The following CCDC154 variants were observed in gnomAD, a reference collection of about 807,000 sequenced individuals.
CCDC154 encodes the protein coiled-coil domain containing 154, also known as coiled-coil domain-containing protein 154.
Under a neutral mutation model 87.5 loss-of-function variants are expected in CCDC154, and 91 were observed. That is an observed-to-expected ratio of 1.04 (90% CI 0.88 to 1.24). The LOEUF is 1.24. Ranked by LOEUF, CCDC154 falls within the 50% of genes most tolerant of loss-of-function variation. The pLI, the probability that CCDC154 is intolerant of heterozygous loss-of-function variation, is 0.00. For missense variants in CCDC154, 903 were observed against 879.2 expected (o/e 1.03, Z -0.34); for synonymous variants, 418 against 400.4 (o/e 1.04, Z -0.52).
In CCDC154 at chr16:1,438,895, G is replaced by C; in HGVS notation, c.826C>G (p.Arg276Gly). The C allele has an allele frequency of 6.5e-7, 1 of 1,549,398 alleles. No homozygotes were observed. The highest frequency in any genetic ancestry group is 8.7e-7 in the Non-Finnish European group (1 of 1,146,604). Residue 276 changes from arginine to glycine, a missense_variant, in exon 8 of 17, where the codon CGG becomes GGG. Arg to Gly is a moderately radical substitution (Grantham distance 125, BLOSUM62 -2). Transcript: ENST00000389176. ...TCCCACCGGCTCTCCAGCTCGCCCC[G>C]CAGGCTGCCCTCCAGCTTCAGCCGT... ...SSRLKLEGSL[R>G]GELESRWEKL...
At chr16:1,439,684 G>A (rs1447206327) in intron 6 of CCDC154, among the ~76,000 whole-genome samples, 2 of 152,158 alleles carry the variant, frequency 1.3e-5, no homozygotes, top group Admixed American at 6.5e-5. Flanking sequence ...AGCCCCTGCT[G>A]GCCTCCTGCC....
Position 1,443,824 on chromosome 16 carries a change from C to A in CCDC154, c.196G>T (p.Ala66Ser). The change falls in exon 2 of 17, where the codon GCC (alanine) becomes TCC (serine). Residue 66 changes from alanine to serine, a missense_variant. Physicochemically the swap from Ala to Ser is moderately conservative, Grantham distance 99. Coordinates refer to ENST00000389176, the MANE Select transcript of CCDC154 (RefSeq NM_001143980.3). The part of the protein sequence containing the change: ...STASVPEQDT[A>S]KHWNQLEQWV... ...TGCTCCAGCTGGTTCCAGTGCTTGG[C>A]GGTGTCCTGCTCGGGGACAGAGGCC... 7.7e-7 allele frequency: 1 copy of A among 1,304,578 alleles called. No individual in the cohort carries two copies. The allele number at this position is 1,304,578 out of a possible 1,614,324, so 80.8% of individuals were successfully genotyped here.
In CCDC154 at chr16:1,434,736, G is replaced by C; in HGVS notation, c.1809C>G (p.Val603=). Residue 603 remains valine, a synonymous_variant, in exon 16 of 17, where the codon GTC becomes GTG. Coordinates refer to ENST00000389176, the MANE Select transcript of CCDC154 (RefSeq NM_001143980.3). ...KALPSLVRPR[V]FIKDMAPGKV... ...TGCCAGGCGCCATGTCCTTGATGAA[G>C]ACCCGCGGCCTCACCAGGGATGGGA... 6.5e-7 allele frequency: 1 copy of C among 1,546,288 alleles called. No homozygotes were observed. Among genetic ancestry groups the C allele is most frequent in the Non-Finnish European group, 8.7e-7 (1 of 1,146,814 alleles).
At chr16:1,437,146 G>A (rs1184193563) in intron 11 of CCDC154, 1 of 359,186 alleles carries the variant, frequency 2.8e-6, no homozygotes, top group Non-Finnish European at 5.2e-6. Context: ...CGGTGGATGA[G>A]CGGGAACCGG....
Position 1,438,748 on chromosome 16 carries a change from G to A in CCDC154, c.907-11C>T, listed in dbSNP as rs776593368. The A allele has an allele frequency of 9.7e-6, 15 of 1,548,726 alleles. No individual in the cohort carries two copies. Among genetic ancestry groups the A allele is most frequent in the East Asian group, 2.4e-5 (1 of 40,900 alleles). Reference sequence around the variant, plus strand: ...CAGGAGGTGGCTCTCCTGCCAGGGGGTGGAGGCCGCCCTGAGACCTGCACC... The same window carrying A: ...CAGGAGGTGGCTCTCCTGCCAGGGGATGGAGGCCGCCCTGAGACCTGCACC... On this transcript the variant is annotated splice_polypyrimidine_tract_variant and intron_variant, in intron 8 of 16. Transcript: ENST00000389176.
intron 4 of CCDC154, 113 bp from the exon 5 acceptor site, chr16:1,443,088 C>T: frequency 1.4e-6 from 2 of 1,409,862 alleles, no homozygotes; most frequent in South Asian, 2.5e-5. Context: ...TCCTGGGCCT[C>T]TGAAGGCCGC....
chr16:1,442,819 C>T lies in CCDC154; in HGVS notation c.551+61G>A. ...AGGGGGACCCGTGTCTTGGCTCAGCCAGGGACTCTCAAATGACCCCACGCA... is the reference window on the plus strand; with the variant it reads ...AGGGGGACCCGTGTCTTGGCTCAGCTAGGGACTCTCAAATGACCCCACGCA... On this transcript the variant is annotated intron_variant, in intron 5 of 16. Coordinates refer to ENST00000389176, the MANE Select transcript of CCDC154 (RefSeq NM_001143980.3). 7 of 1,473,398 alleles carry T rather than the reference C, an allele frequency of 4.8e-6. 1 individual carries two copies. The highest frequency in any genetic ancestry group is 3.7e-5 in the South Asian group (3 of 81,036). The allele number at this position is 1,473,398 out of a possible 1,614,324, so 91.3% of individuals were successfully genotyped here.
rs1399864549 is a variant in CCDC154, at chr16:1,434,577, C to A, written c.1878-43G>T. On this transcript the variant is annotated intron_variant, in intron 16 of 16. Transcript: ENST00000389176. ...ACATGGCCCCTGCACCCCCGCCCCA[C>A]CCCCCATGGCCCACCTGCTGCCTGT... is the stretch of plus-strand genomic sequence containing the variant. The A allele has an allele frequency of 5.3e-6, 8 of 1,514,506 alleles. No individual in the cohort carries two copies. The Admixed American group carries it at 8.1e-5, about 15-fold the overall frequency. The allele number at this position is 1,514,506 out of a possible 1,614,324, so 93.8% of individuals were successfully genotyped here.
rs1206502365 is a variant in CCDC154, at chr16:1,438,058, G to A, written c.1144C>T (p.Leu382=). 1.3e-6 allele frequency: 2 copies of A among 1,547,836 alleles called. No individual in the cohort carries two copies. Among genetic ancestry groups the A allele is most frequent in the African/African-American group, 1.4e-5 (1 of 73,012 alleles). ...TTGCGCTACCCCCTCACCAGCACCAGCTCTCCATGCATCTCCTGCCGGGCC... is the reference window on the plus strand; with the variant it reads ...TTGCGCTACCCCCTCACCAGCACCAACTCTCCATGCATCTCCTGCCGGGCC... The part of the protein sequence containing the change: ...ELARQEMHGE[L]VLLREKSRAL... Residue 382 remains leucine, a synonymous_variant, in exon 10 of 17, where the codon CTG becomes TTG. Transcript: ENST00000389176.
In CCDC154 at chr16:1,443,649, G is replaced by C. The variant is rs1346568962; in HGVS notation, c.271C>G (p.Gln91Glu). 2 of 1,339,080 alleles carry C rather than the reference G, an allele frequency of 1.5e-6. No homozygotes were observed. The highest frequency in any genetic ancestry group is 2.9e-5 in the African/African-American group (2 of 67,848). The allele number at this position is 1,339,080 out of a possible 1,614,324, so 82.9% of individuals were successfully genotyped here. The change falls in exon 3 of 17, where the codon CAG becomes GAG. Residue 91 changes from glutamine (Q) to glutamate (E), a missense_variant. Transcript: ENST00000389176. ...CTCCGCGTGGCGCGCTCACAGCGCT[G>C]CTTGTGCTCCCGCAGGCAGGCCACC... ...AEVACLREHK[Q>E]RCERATRSLL... is the part of the protein sequence containing the mutation.
chr16:1,443,181 AC>A (rs983943173), intron 4 of CCDC154, 79 bp downstream of exon 4: 4 of 1,481,614 alleles, frequency 2.7e-6, no homozygotes, highest in South Asian at 1.2e-5. Context: ...GGAGATGTGG[AC>A]CCCCCACCAC....
intron 7 of CCDC154, 37 bp downstream of exon 7, chr16:1,438,988 G>C (rs1474478002): frequency 7.1e-6 from 11 of 1,549,546 alleles, no homozygotes; most frequent in Non-Finnish European, 9.6e-6. Context: ...CGTCTGGGAA[G>C]GGGGGCAGGG....
chr16:1,434,914 G>C, intron 15 of CCDC154, 62 bp from the exon 16 acceptor site: 1 of 1,453,748 alleles, frequency 6.9e-7, no homozygotes, highest in Non-Finnish European at 9.1e-7. Context: ...GATGGCAAAC[G>C]GGGGCTTATC....
intron 11 of CCDC154, 29 bp downstream of exon 11, chr16:1,437,788 C>G: frequency 6.6e-7 from 1 of 1,512,372 alleles, no homozygotes; most frequent in Non-Finnish European, 8.8e-7. Context: ...CCCATAGCCC[C>G]GCCTGCCCCC....
At chr16:1,438,494 G>A (rs2038521862) in intron 9 of CCDC154, 125 bp downstream of exon 9, 13 of 925,540 alleles carry the variant, frequency 1.4e-5, no homozygotes, top group Non-Finnish European at 1.8e-5. Flanking sequence ...GCAGCCCTCG[G>A]GGTCGAGCAC....
chr16:1,436,903 G>GC, intron 11 of CCDC154, 92 bp from the exon 12 acceptor site: 9 of 1,486,640 alleles, frequency 6.1e-6, no homozygotes, highest in Non-Finnish European at 8.2e-6. Context: ...GGAGCAGGCG[G>GC]CCCCCACCCC....
At chr16:1,441,851 C>T (rs117232965) in intron 6 of CCDC154, among the ~76,000 whole-genome samples, 7 of 152,338 alleles carry the variant, frequency 4.6e-5, no homozygotes, top group South Asian at 2.1e-4. Flanking sequence ...GCGATCCTCC[C>T]GCCTCGGCCT....
rs1339496508 is a variant in CCDC154, at chr16:1,443,518, C to G, written c.402G>C (p.Lys134Asn). The change falls in exon 3 of 17, where the codon AAG becomes AAC. Residue 134 changes from lysine (K) to asparagine (N), a missense_variant. Transcript: ENST00000389176. ...EARPAAQAPE[K>N]EAPEFSGLQN... ...GGGAGCCGCTCACCTCCGGCGCCTC[C>G]TTTTCGGGGGCCTGGGCTGCCGGCC... 6.8e-7 allele frequency: 1 copy of G among 1,473,702 alleles called. No individual in the cohort carries two copies. The highest frequency in any genetic ancestry group is 1.4e-5 in the African/African-American group (1 of 69,994). The allele number at this position is 1,473,702 out of a possible 1,614,324, so 91.3% of individuals were successfully genotyped here. A position where few individuals can be genotyped will look rare whatever the true frequency, so the allele number is the denominator to read the frequency against.
chr16:1,435,348 C>T (rs538423965), intron 14 of CCDC154, 173 bp from the exon 15 acceptor site: 3 of 643,660 alleles, frequency 4.7e-6, no homozygotes, highest in African/African-American at 3.6e-5. Flanking sequence ...GCTGAGGAAG[C>T]GGCAGCCTGA....
Sources: gnomAD v4.1 joint callset for allele counts (sites outside exome capture counted in the v4.1 genomes callset) on GRCh38, gnomAD v4.1.1 for gene constraint, MANE v1.5 for transcripts, NCBI Gene and HGNC (gene_info 2026-07-23, HGNC 2026-07-21) for gene names.